The following AADACL2 variants were observed in gnomAD, a reference collection of about 807,000 sequenced individuals.
AADACL2 encodes the protein arylacetamide deacetylase-like 2.
A neutral mutation model predicts 22.3 loss-of-function variants in AADACL2; 23 were observed. That is an observed-to-expected ratio of 1.03 (90% CI 0.74 to 1.46). The LOEUF (loss-of-function observed/expected upper bound fraction) is 1.46. Among genes scored for constraint, AADACL2 ranks in the 40% most tolerant of loss-of-function variants. The pLI, the probability that AADACL2 is intolerant of heterozygous loss-of-function variation, is 0.00. For missense variants in AADACL2, 472 were observed against 482.9 expected, an observed-to-expected ratio of 0.98 and a Z score of 0.21; for synonymous variants, 177 against 166.2, an observed-to-expected ratio of 1.07 and a Z score of -0.50.
Position 151,759,133 on chromosome 3 carries a change from A to G in AADACL2, c.*1539A>G, listed in dbSNP as rs971274324. On this transcript the variant is annotated 3_prime_UTR_variant, in exon 5 of 5. Transcript: ENST00000356517. ...TTTTCCTCTGAGAAATAAAATCTAA[A>G]TGGAGATTTGATACTATATGCTATA... The G allele has an allele frequency of 2.6e-5, 4 of 152,166 alleles. No homozygotes were observed. The highest frequency in any genetic ancestry group is 9.6e-5 in the African/African-American group (4 of 41,454). 9.4% of individuals were successfully genotyped at this position (152,166 alleles called of 1,614,324 possible).
rs200584196 is a variant in AADACL2, at chr3:151,757,523, T to A, written c.1135T>A (p.Ser379Thr). 93 of 1,613,522 alleles carry A rather than the reference T, an allele frequency of 5.8e-5. No homozygotes were observed. Among genetic ancestry groups the A allele is most frequent in the East Asian group, 1.1e-4 (5 of 44,848 alleles). ...TCATGGAGCTTTATCATTCATGACTTCACCATTTTATTTACGTCTAGGTCT... is the reference window on the plus strand; with the variant it reads ...TCATGGAGCTTTATCATTCATGACTACACCATTTTATTTACGTCTAGGTCT... The part of the protein sequence containing the change: ...GIHGALSFMT[S>T]PFYLRLGLRI... Residue 379 changes from serine (S) to threonine (T), a missense_variant, in exon 5 of 5, where the codon TCA becomes ACA. Physicochemically the swap from Ser to Thr is moderately conservative, Grantham distance 58. Transcript: ENST00000356517.
chr3:151,752,082 C>G (rs181410777), intron 4 of AADACL2, among the ~76,000 whole-genome samples: 1 of 152,104 alleles, frequency 6.6e-6, no homozygotes, highest in Non-Finnish European at 1.5e-5. Context: ...TCTTCATGGA[C>G]TGCTAAACTT....
chr3:151,735,891 G>A (rs976837189), intron 1 of AADACL2, among the ~76,000 whole-genome samples: 1 of 152,152 alleles, frequency 6.6e-6, no homozygotes, highest in Admixed American at 6.5e-5. Context: ...TATTAACCAT[G>A]TAATATTTAA....
chr3:151,742,699 C>G (rs1713318939), intron 2 of AADACL2, among the ~76,000 whole-genome samples: 1 of 152,106 alleles, frequency 6.6e-6, no homozygotes, highest in Non-Finnish European at 1.5e-5. Context: ...TCCAAACATC[C>G]TGTTTGCGCC....
At chr3:151,753,928 T>A (rs75184002) in intron 4 of AADACL2, among the ~76,000 whole-genome samples, 2 of 152,244 alleles carry the variant, frequency 1.3e-5, no homozygotes, top group East Asian at 3.9e-4. Context: ...AAACCATTAT[T>A]CTCTAGGAAA....
intron 2 of AADACL2, 74 bp from the exon 3 acceptor site, chr3:151,744,019 A>G: frequency 1.4e-6 from 2 of 1,476,156 alleles, no homozygotes; most frequent in Non-Finnish European, 1.9e-6. Context: ...AGTTATTTCC[A>G]CATTCATATC....
In AADACL2 at chr3:151,750,573, C is replaced by T. The variant is rs115289917; in HGVS notation, c.603+4893C>T. Among the ~76,000 whole-genome samples the T allele has an allele frequency of 4.2e-3, 646 of 152,054 alleles. 6 individuals are homozygous for T. Among genetic ancestry groups the T allele is most frequent in the African/African-American group, 0.015 (615 of 41,508 alleles). On this transcript the variant is annotated intron_variant, in intron 4 of 4. Coordinates refer to ENST00000356517, the MANE Select transcript of AADACL2 (RefSeq NM_207365.4). Reference sequence around the variant, plus strand: ...TTCTATTTAAAAAAAAAAGATGAAACTAGTCTTCTTCAGACTTCTTTTTGA... The same window carrying T: ...TTCTATTTAAAAAAAAAAGATGAAATTAGTCTTCTTCAGACTTCTTTTTGA...
rs541275261 is a variant in AADACL2, at chr3:151,760,023, C to T, written c.*2429C>T. On this transcript the variant is annotated 3_prime_UTR_variant, in exon 5 of 5. Transcript: ENST00000356517. Reference sequence around the variant, plus strand: ...TACATATCATGTATAGTGATTATATCAGGGTAATCGGCACATCATCTCAAA... The same window carrying T: ...TACATATCATGTATAGTGATTATATTAGGGTAATCGGCACATCATCTCAAA... 2.2e-4 allele frequency: 34 copies of T among 152,214 alleles called. No individual in the cohort carries two copies. The highest frequency in any genetic ancestry group is 8.2e-4 in the African/African-American group (34 of 41,544). The allele number at this position is 152,214 out of a possible 1,614,324, so 9.4% of individuals were successfully genotyped here.
intron 1 of AADACL2, among the ~76,000 whole-genome samples, chr3:151,738,365 G>T (rs1232975802): frequency 6.6e-6 from 1 of 152,154 alleles, no homozygotes; most frequent in Admixed American, 6.6e-5. Context: ...GAGAAATCCA[G>T]TGTTAGTCTG....
chr3:151,745,108 C>T (rs755934645), intron 3 of AADACL2, among the ~76,000 whole-genome samples: 2 of 152,020 alleles, frequency 1.3e-5, no homozygotes, highest in Non-Finnish European at 2.9e-5. Context: ...TAGGACACTG[C>T]CTACAATATG....
chr3:151,748,416 A>G (rs1246515944), intron 4 of AADACL2, among the ~76,000 whole-genome samples: 1 of 152,210 alleles, frequency 6.6e-6, no homozygotes, highest in Non-Finnish European at 1.5e-5. Context: ...TCAAAGATCA[A>G]TTGACCATTG....
At chr3:151,746,753 T>C (rs1253127928) in intron 4 of AADACL2, among the ~76,000 whole-genome samples, 1 of 152,186 alleles carries the variant, frequency 6.6e-6, no homozygotes, top group African/African-American at 2.4e-5. Context: ...AATTGACTTT[T>C]AAATGTTAAA....
At chr3:151,745,176 G>C (rs1218489701) in intron 3 of AADACL2, among the ~76,000 whole-genome samples, 1 of 151,860 alleles carries the variant, frequency 6.6e-6, no homozygotes, top group Admixed American at 6.6e-5. Context: ...AAAATGTTTG[G>C]ATTACAAGTT....
At chr3:151,740,079 G>T (rs1331202389) in intron 1 of AADACL2, among the ~76,000 whole-genome samples, 1 of 152,238 alleles carries the variant, frequency 6.6e-6, no homozygotes, top group Non-Finnish European at 1.5e-5. Flanking sequence ...CCTGCAGCTA[G>T]CTCCATGTCT....
intron 4 of AADACL2, among the ~76,000 whole-genome samples, chr3:151,753,189 T>C (rs919516018): frequency 6.6e-5 from 10 of 152,200 alleles, no homozygotes; most frequent in African/African-American, 1.7e-4. Flanking sequence ...ATCAGTGTTA[T>C]AGAGGTCACC....
chr3:151,745,773 A>G, intron 4 of AADACL2, 93 bp downstream of exon 4: 1 of 1,306,482 alleles, frequency 7.7e-7, no homozygotes. Context: ...ATTTGTTGAA[A>G]AGACCATTCT....
chr3:151,748,225 C>G (rs1271906131), intron 4 of AADACL2, among the ~76,000 whole-genome samples: 1 of 152,136 alleles, frequency 6.6e-6, no homozygotes, highest in Non-Finnish European at 1.5e-5. Flanking sequence ...AAGCCTTCTT[C>G]CAGTAGCTAT....
At chr3:151,735,261 G>A (rs1367667699) in intron 1 of AADACL2, among the ~76,000 whole-genome samples, 1 of 151,970 alleles carries the variant, frequency 6.6e-6, no homozygotes, top group African/African-American at 2.4e-5. Context: ...GTATCTCAGG[G>A]CATTAACTTG....
chr3:151,740,246 G>A (rs1713233613), intron 1 of AADACL2, among the ~76,000 whole-genome samples: 1 of 152,188 alleles, frequency 6.6e-6, no homozygotes, highest in Non-Finnish European at 1.5e-5. Context: ...GTGGGGGAGG[G>A]AGGTCCCCTG....
Sources: gnomAD v4.1 joint callset for allele counts (sites outside exome capture counted in the v4.1 genomes callset) on GRCh38, gnomAD v4.1.1 for gene constraint, MANE v1.5 for transcripts, NCBI Gene and HGNC (gene_info 2026-07-23, HGNC 2026-07-21) for gene names.